Variants in ZNF699 observed in about 807,000 individuals in gnomAD.
ZNF699 encodes the protein zinc finger protein 699.
In ZNF699, 18 loss-of-function variants were observed where a neutral mutation model predicts 22.5. The observed-to-expected ratio is 0.80, with a 90% CI of 0.55 to 1.19. The LOEUF is 1.19. ZNF699 is among the 50% of genes most tolerant of loss of function. The pLI, the probability that ZNF699 is intolerant of heterozygous loss-of-function variation, is 0.00. For missense variants in ZNF699, 670 were observed against 763.4 expected, an observed-to-expected ratio of 0.88 and a Z score of 1.44; for synonymous variants, 241 against 262.3, an observed-to-expected ratio of 0.92 and a Z score of 0.78.
intron 1 of ZNF699, 45 bp from the exon 2 acceptor site, chr19:9,305,169 G>C (rs1599254584): frequency 1.3e-6 from 2 of 1,573,456 alleles, no homozygotes; most frequent in East Asian, 4.5e-5. Context: ...AATTAAAAAA[G>C]GTGACATGAG....
At position 9,293,429 on chromosome 19, in the gene ZNF699, T is replaced by C. The variant is rs1260278012; in HGVS notation, c.*2046A>G. Among the ~76,000 whole-genome samples, 1 of 152,200 alleles carries C rather than the reference T, an allele frequency of 6.6e-6. No homozygotes were observed. The highest frequency in any genetic ancestry group is 1.5e-5 in the Non-Finnish European group (1 of 68,030). On this transcript the variant is annotated 3_prime_UTR_variant, in exon 6 of 6. Coordinates refer to ENST00000591998, the MANE Select transcript of ZNF699 (RefSeq NM_198535.3). Reference sequence around the variant, plus strand: ...TCTACCCTATGATTCAGTAAATTCATTCCTGAGCATATAGCACATACCAAG... The same window carrying C: ...TCTACCCTATGATTCAGTAAATTCACTCCTGAGCATATAGCACATACCAAG...
chr19:9,298,083 T>C (rs73504738), intron 3 of ZNF699, 93 bp from the exon 4 acceptor site: 76,933 of 743,076 alleles, frequency 0.1, 7,445 homozygotes, highest in African/African-American at 0.42. Context: ...CTTCTGATAT[T>C]CCAAAAATGG....
At chr19:9,299,816 G>GA (rs961617681) in intron 3 of ZNF699, among the ~76,000 whole-genome samples, 2 of 144,364 alleles carry the variant, frequency 1.4e-5, no homozygotes, top group African/African-American at 5.1e-5. Flanking sequence ...ATATCATACA[G>GA]AAAAAAACAA....
Position 9,292,844 on chromosome 19 carries a change from G to A in ZNF699, c.*2631C>T, listed in dbSNP as rs1408128616. 6.0e-5 allele frequency among the ~76,000 whole-genome samples: 9 copies of A among 149,040 alleles called. No homozygotes were observed. Among genetic ancestry groups the A allele is most frequent in the Admixed American group, 6.0e-4 (9 of 14,964 alleles). Reference sequence around the variant, plus strand: ...TCAATTTTTTTTTTTTTTTAAAAAGGAACCATAAGTCTGGGTGCAGTGGCT... The same window carrying A: ...TCAATTTTTTTTTTTTTTTAAAAAGAAACCATAAGTCTGGGTGCAGTGGCT... On this transcript the variant is annotated 3_prime_UTR_variant, in exon 6 of 6. Coordinates refer to ENST00000591998, the MANE Select transcript of ZNF699 (RefSeq NM_198535.3).
intron 3 of ZNF699, among the ~76,000 whole-genome samples, chr19:9,300,258 T>C (rs138828998): frequency 6.6e-6 from 1 of 152,266 alleles, no homozygotes; most frequent in Non-Finnish European, 1.5e-5. Flanking sequence ...TTTTTTGTAT[T>C]TTTAGTACAG....
intron 3 of ZNF699, among the ~76,000 whole-genome samples, chr19:9,299,066 G>T (rs2066297518): frequency 2.6e-5 from 4 of 152,234 alleles, no homozygotes; most frequent in Admixed American, 2.0e-4. Flanking sequence ...AAAATGCAAA[G>T]CTAGAAAACT....
rs1314071936 is a variant in ZNF699 at position 9,293,785 on chromosome 19, A to G, written c.*1690T>C. On this transcript the variant is annotated 3_prime_UTR_variant, in exon 6 of 6. Transcript: ENST00000591998. ...TTAGTATATGTATAATAAAATAAAA[A>G]GTGATTATGGGGAAATAGTAGAGTT... 2.6e-5 allele frequency among the ~76,000 whole-genome samples: 4 copies of G among 152,226 alleles called. No individual in the cohort carries two copies. The highest frequency in any genetic ancestry group is 4.4e-5 in the Non-Finnish European group (3 of 68,038).
intron 2 of ZNF699, among the ~76,000 whole-genome samples, chr19:9,303,867 G>T (rs554598705): frequency 6.6e-6 from 1 of 151,878 alleles, no homozygotes; most frequent in East Asian, 1.9e-4. Flanking sequence ...GCCCAGGCTG[G>T]AGTGCAGTGG....
rs115695059 is a variant in ZNF699 at position 9,302,735 on chromosome 19, T to C, written c.49-231A>G. Reference sequence around the variant, plus strand: ...GATTTAATACTTCTAAAACACTAAATTGCCAGGCAAATTGGGTCAAGCCTA... The same window carrying C: ...GATTTAATACTTCTAAAACACTAAACTGCCAGGCAAATTGGGTCAAGCCTA... On this transcript the variant is annotated intron_variant, in intron 2 of 5. Coordinates refer to ENST00000591998, the MANE Select transcript of ZNF699 (RefSeq NM_198535.3). 7.0e-3 allele frequency among the ~76,000 whole-genome samples: 1,065 copies of C among 152,272 alleles called. 9 individuals are homozygous for C. The highest frequency in any genetic ancestry group is 0.024 in the African/African-American group (1,003 of 41,554).
In ZNF699 at chr19:9,297,502, C is replaced by A; in HGVS notation, c.287-23G>T. On this transcript the variant is annotated intron_variant, in intron 4 of 5. Coordinates refer to ENST00000591998, the MANE Select transcript of ZNF699 (RefSeq NM_198535.3). The surrounding 1 kb of genome is among the most constrained non-coding windows in gnomAD (Gnocchi z 4.3). ...AACCTGAAACGAAAAAAAGTGAAAG[C>A]TTCCATGAGCCAAGGACTTTTAGCA... The A allele has an allele frequency of 1.3e-6, 2 of 1,537,300 alleles. No homozygotes were observed. Among genetic ancestry groups the A allele is most frequent in the South Asian group, 2.6e-5 (2 of 77,428 alleles).
chr19:9,306,393 A>G (rs1314671960), intron 1 of ZNF699, among the ~76,000 whole-genome samples: 3 of 150,688 alleles, frequency 2.0e-5, no homozygotes, highest in Admixed American at 2.0e-4. Flanking sequence ...CTCCATCTCA[A>G]AAAAAAAAAA....
chr19:9,297,796 CAT>C lies in ZNF699; in HGVS notation c.286+82_286+83del. 9.7e-7 allele frequency: 1 copy of C among 1,031,420 alleles called. No individual in the cohort carries two copies. Among genetic ancestry groups the C allele is most frequent in the Non-Finnish European group, 1.5e-6 (1 of 668,884 alleles). The allele number at this position is 1,031,420 out of a possible 1,614,324, so 63.9% of individuals were successfully genotyped here. ...GCTATCTGTGGAAGATGAGCTTCCT[CAT>C]ATAAAACAAAGTTTGTTTTTGTTTT... On this transcript the variant is annotated intron_variant, in intron 4 of 5. Transcript: ENST00000591998. This position sits in a 1 kb window ranked among gnomAD's most constrained non-coding sequence, Gnocchi z 4.3.
chr19:9,293,708 TAC>T lies in ZNF699; in HGVS notation c.*1765_*1766del, dbSNP rs1278627668. ...TGTTCTGTTTACCAGGACATGTACA[TAC>T]ATGAAATGTCATTAAGCTGTACATT... On this transcript the variant is annotated 3_prime_UTR_variant, in exon 6 of 6. Transcript: ENST00000591998. 1.3e-5 allele frequency among the ~76,000 whole-genome samples: 2 copies of T among 152,194 alleles called. No homozygotes were observed. The highest frequency in any genetic ancestry group is 3.8e-4 in the East Asian group (2 of 5,196).
At chr19:9,303,722 C>T (rs2066316331) in intron 2 of ZNF699, among the ~76,000 whole-genome samples, 3 of 152,164 alleles carry the variant, frequency 2.0e-5, no homozygotes, top group African/African-American at 7.2e-5. Context: ...AGACACCAAC[C>T]ATCTCATGAG....
intron 1 of ZNF699, among the ~76,000 whole-genome samples, chr19:9,305,644 G>T (rs2144983825): frequency 6.6e-6 from 1 of 151,976 alleles, no homozygotes; most frequent in Non-Finnish European, 1.5e-5. Context: ...CTCAGCCCTA[G>T]ACCACTGCCC....
At chr19:9,303,703 G>A (rs952614716) in intron 2 of ZNF699, among the ~76,000 whole-genome samples, 1 of 152,120 alleles carries the variant, frequency 6.6e-6, no homozygotes, top group Non-Finnish European at 1.5e-5. Context: ...AGTCTCTCTA[G>A]GGGCTTCCAG....
chr19:9,296,959 T>A (rs1461435176), intron 5 of ZNF699, 26 bp from the exon 6 acceptor site: 1 of 1,492,552 alleles, frequency 6.7e-7, no homozygotes, highest in Admixed American at 2.2e-5. Context: ...GACACATTAT[T>A]AGTAATAAAT....
Position 9,295,973 on chromosome 19 carries a change from ACATT to A in ZNF699, c.1427_1430del (p.Glu476ValfsTer18), listed in dbSNP as rs1256240210. On this transcript the variant is annotated frameshift_variant, in exon 6 of 6. Coordinates refer to ENST00000591998, the MANE Select transcript of ZNF699 (RefSeq NM_198535.3). LOFTEE classifies it low-confidence loss of function (END_TRUNC). ...GACTAAAGGTCTTCCCACACTCCTT[ACATT>A]CATACTGTATCTTTCCAGTGTGATC... The A allele has an allele frequency of 1.2e-6, 2 of 1,614,102 alleles. No individual in the cohort carries two copies. The highest frequency in any genetic ancestry group is 2.2e-5 in the South Asian group (2 of 91,082).
chr19:9,309,609 G>T lies in ZNF699; in HGVS notation c.-265C>A, dbSNP rs2066339926. ...GGGGCAGCTGACCCGGGCTCTCTGA[G>T]GAGGCGCCGCGGCGGCGGGAGGCCC... On this transcript the variant is annotated 5_prime_UTR_variant, in exon 1 of 6. Transcript: ENST00000591998. 6.6e-6 allele frequency: 1 copy of T among 152,506 alleles called. No homozygotes were observed. The highest frequency in any genetic ancestry group is 2.4e-5 in the African/African-American group (1 of 41,472). 9.4% of individuals were successfully genotyped at this position (152,506 alleles called of 1,614,324 possible). A position where few individuals can be genotyped will look rare whatever the true frequency, so the allele number is the denominator to read the frequency against.
Sources: allele counts gnomAD v4.1 joint callset (sites outside exome capture counted in the v4.1 genomes callset), GRCh38; gene constraint gnomAD v4.1.1; non-coding constraint Gnocchi (gnomAD v3.1); transcripts MANE v1.5; gene names NCBI Gene and HGNC (gene_info 2026-07-23, HGNC 2026-07-21).